NPAS3: variants seen among roughly 807,000 people sequenced by gnomAD.
NPAS3 encodes the protein neuronal PAS domain protein 3, also known as neuronal PAS domain-containing protein 3.
NPAS3 carries 14 observed loss-of-function variants against 73.1 expected under a neutral mutation model. The ratio of observed to expected loss-of-function variants is 0.19; its 90% CI spans 0.13 to 0.30. The LOEUF is 0.30. NPAS3 is among the 10% of genes least tolerant of loss of function. The probability of loss-of-function intolerance (pLI) is 1.00; values close to 1 mark genes in which losing one functional copy is unlikely to be tolerated. For missense variants in NPAS3, 1,096 were observed against 1,250.0 expected, an observed-to-expected ratio of 0.88 and a Z score of 1.86; for synonymous variants, 620 against 541.5, an observed-to-expected ratio of 1.14 and a Z score of -2.01.
chr14:33,224,081 C>T (rs2047534434), intron 3 of NPAS3, among the ~76,000 whole-genome samples: 1 of 152,048 alleles, frequency 6.6e-6, no homozygotes, highest in South Asian at 2.1e-4. Context: ...AAAAGTCTAC[C>T]AGTTCTTGAT....
chr14:33,778,175 A>G (rs2062878053), intron 8 of NPAS3, among the ~76,000 whole-genome samples: 1 of 152,210 alleles, frequency 6.6e-6, no homozygotes, highest in Non-Finnish European at 1.5e-5. Flanking sequence ...ATTCTCAATA[A>G]TTTCATGAAA....
chr14:33,002,704 T>C (rs2038852012), intron 1 of NPAS3, among the ~76,000 whole-genome samples: 1 of 152,186 alleles, frequency 6.6e-6, no homozygotes, highest in Admixed American at 6.5e-5. Context: ...CTGATAAATG[T>C]AGTATTGATG....
chr14:33,478,537 T>A (rs1010513826), intron 4 of NPAS3, among the ~76,000 whole-genome samples: 1 of 152,120 alleles, frequency 6.6e-6, no homozygotes, highest in South Asian at 2.1e-4. Flanking sequence ...ACTCTGCCAG[T>A]CTCCCACCCC....
chr14:33,293,230 C>T (rs1036509598), intron 3 of NPAS3, among the ~76,000 whole-genome samples: 1 of 151,850 alleles, frequency 6.6e-6, no homozygotes, highest in Non-Finnish European at 1.5e-5. Flanking sequence ...AAACTGGAGT[C>T]GAATTGACTA....
intron 2 of NPAS3, among the ~76,000 whole-genome samples, chr14:33,189,822 TTC>T (rs1280908201): frequency 1.3e-5 from 2 of 152,202 alleles, no homozygotes; most frequent in East Asian, 3.9e-4. Flanking sequence ...ACATGTAGAA[TTC>T]TGTTATAAAG....
chr14:33,055,812 AATATAT>A, intron 1 of NPAS3, 87 bp from the exon 2 acceptor site: 1 of 578,808 alleles, frequency 1.7e-6, no homozygotes, highest in Non-Finnish European at 3.1e-6. Context: ...TAAAAAGCAA[AATATAT>A]TGAATTTCAA....
intron 4 of NPAS3, among the ~76,000 whole-genome samples, chr14:33,449,272 G>A (rs2139364740): frequency 6.6e-6 from 1 of 152,268 alleles, no homozygotes; most frequent in South Asian, 2.1e-4. Context: ...TGGGTAGATG[G>A]AATAACCTCT....
At chr14:33,337,965 T>TA (rs918136919) in intron 3 of NPAS3, among the ~76,000 whole-genome samples, 1 of 151,052 alleles carries the variant, frequency 6.6e-6, no homozygotes, top group African/African-American at 2.4e-5. Flanking sequence ...TTCTAGGAAT[T>TA]TTTTTTTGTA....
chr14:33,140,190 T>G (rs1371050308), intron 2 of NPAS3, among the ~76,000 whole-genome samples: 1 of 152,146 alleles, frequency 6.6e-6, no homozygotes, highest in Non-Finnish European at 1.5e-5. Flanking sequence ...GTAAATTACA[T>G]TGAAATAAGT....
At chr14:33,799,768 G>T in exon 12 of NPAS3, 2 of 1,597,766 alleles carry the variant, frequency 1.3e-6, no homozygotes, top group South Asian at 2.2e-5. Context: ...ACGAGAAGGG[G>T]AACCAGTCCG....
At chr14:33,004,530 A>G (rs539751741) in intron 1 of NPAS3, among the ~76,000 whole-genome samples, 4 of 152,302 alleles carry the variant, frequency 2.6e-5, no homozygotes, top group African/African-American at 9.6e-5. Context: ...TGAGTCAGTG[A>G]GTGAGTGGTG....
chr14:33,263,636 GT>G (rs1198530318), intron 3 of NPAS3, among the ~76,000 whole-genome samples: 25 of 152,120 alleles, frequency 1.6e-4, no homozygotes, highest in Admixed American at 1.6e-3. Flanking sequence ...CTTTAAAGTA[GT>G]TTTTTTCCAA....
intron 5 of NPAS3, among the ~76,000 whole-genome samples, chr14:33,652,467 A>G (rs1366131098): frequency 6.6e-6 from 1 of 152,246 alleles, no homozygotes. Context: ...GGGCACCGAC[A>G]GAAATTTAAA....
At chr14:33,712,560 TGC>T (rs1431640514) in intron 6 of NPAS3, among the ~76,000 whole-genome samples, 2 of 152,202 alleles carry the variant, frequency 1.3e-5, no homozygotes, top group Admixed American at 6.5e-5. Flanking sequence ...AACAAATCCC[TGC>T]CTTAATCACG....
intron 4 of NPAS3, among the ~76,000 whole-genome samples, chr14:33,403,672 A>G (rs912931773): frequency 1.3e-5 from 2 of 151,848 alleles, no homozygotes; most frequent in African/African-American, 4.8e-5. Context: ...ATCTTTATTC[A>G]TTTTATCTTC....
chr14:33,597,455 G>T (rs183381592), intron 5 of NPAS3, among the ~76,000 whole-genome samples: 2 of 152,174 alleles, frequency 1.3e-5, no homozygotes, highest in Admixed American at 6.5e-5. Flanking sequence ...AGTAATTTTC[G>T]TCTAAAGTAA....
intron 3 of NPAS3, among the ~76,000 whole-genome samples, chr14:33,286,566 C>T (rs1447519492): frequency 6.6e-6 from 1 of 152,120 alleles, no homozygotes; most frequent in Non-Finnish European, 1.5e-5. Context: ...TGTGGGGTTA[C>T]CGAATATCGG....
At chr14:33,420,700 T>C (rs1258030012) in intron 4 of NPAS3, among the ~76,000 whole-genome samples, 4 of 151,882 alleles carry the variant, frequency 2.6e-5, no homozygotes, top group African/African-American at 9.7e-5. Flanking sequence ...GCATAGGAAA[T>C]ACTTAAGAAT....
At position 33,187,595 on chromosome 14, in the gene NPAS3, G is replaced by A. The variant is rs1161713041; in HGVS notation, c.141-27587G>A. On this transcript the variant is annotated intron_variant, in intron 2 of 11. Transcript: ENST00000356141. ...GCCTGTAGTCCCAGCTACTCAGGAAGCTGAGACAGGTTGATTGTTGAAGCC... is the reference window on the plus strand; with the variant it reads ...GCCTGTAGTCCCAGCTACTCAGGAAACTGAGACAGGTTGATTGTTGAAGCC... Among the ~76,000 whole-genome samples, 4 of 152,290 alleles carry A rather than the reference G, an allele frequency of 2.6e-5. No homozygotes were observed. In the Middle Eastern group the frequency reaches 0.01, roughly 388 times the overall value.
Sources: allele counts gnomAD v4.1 joint callset (sites outside exome capture counted in the v4.1 genomes callset), GRCh38; gene constraint gnomAD v4.1.1; transcripts MANE v1.5; gene names NCBI Gene and HGNC (gene_info 2026-07-23, HGNC 2026-07-21).